The following FRMD6 variants were observed in gnomAD, a reference collection of about 807,000 sequenced individuals.
FRMD6 encodes FERM domain-containing protein 6.
In FRMD6, 37 loss-of-function variants were observed where a neutral mutation model predicts 73.2. That is an observed-to-expected ratio of 0.51 (90% CI 0.39 to 0.66). FRMD6 has a LOEUF of 0.66. FRMD6 is among the 30% of genes least tolerant of loss of function. The probability of loss-of-function intolerance (pLI) is 0.00; values close to 1 mark genes in which losing one functional copy is unlikely to be tolerated. For synonymous variants in FRMD6, 273 were observed against 282.2 expected, an observed-to-expected ratio of 0.97 and a Z score of 0.33; for missense variants, 714 against 780.5, an observed-to-expected ratio of 0.91 and a Z score of 1.02.
chr14:51,549,581 C>CTTT (rs1226471069), intron 1 of FRMD6, among the ~76,000 whole-genome samples: 5 of 118,774 alleles, frequency 4.2e-5, no homozygotes, highest in South Asian at 3.0e-4. Context: ...GGAGTATAAA[C>CTTT]TTTTTTTTTC....
intron 2 of FRMD6, among the ~76,000 whole-genome samples, chr14:51,616,940 A>G (rs976208554): frequency 6.6e-6 from 1 of 152,192 alleles, no homozygotes; most frequent in Admixed American, 6.5e-5. Context: ...ACATGTCAAG[A>G]ACTGCATTTT....
At chr14:51,436,862 G>C in the FRMD6 span, 1 of 720,938 alleles carries the variant, frequency 1.4e-6, no homozygotes, top group African/African-American at 1.8e-5. Flanking sequence ...AGAGGAGAAA[G>C]GATTAGAAGG....
At chr14:51,484,093 T>C in the FRMD6 span, among the ~76,000 whole-genome samples, 5 of 152,310 alleles carry the variant, frequency 3.3e-5, no homozygotes, top group Non-Finnish European at 5.9e-5. Flanking sequence ...GTTAAATGTA[T>C]AAAAAATAAG....
chr14:51,484,254 G>T (rs1177523502), upstream of FRMD6, among the ~76,000 whole-genome samples: 1 of 152,204 alleles, frequency 6.6e-6, no homozygotes, highest in Non-Finnish European at 1.5e-5. Flanking sequence ...GATCTGACCT[G>T]CCAGGGAAGC....
At chr14:51,707,130 A>G (rs541957463) in intron 6 of FRMD6, among the ~76,000 whole-genome samples, 6 of 152,240 alleles carry the variant, frequency 3.9e-5, no homozygotes, top group Non-Finnish European at 8.8e-5. Flanking sequence ...AAAAAGGTTG[A>G]TAAATAACTG....
the FRMD6 span, among the ~76,000 whole-genome samples, chr14:51,477,273 G>A: frequency 6.6e-6 from 1 of 152,156 alleles, no homozygotes. Flanking sequence ...TCTCAACCCT[G>A]AAGGCTAAAA....
chr14:51,503,280 T>G (rs761204585), intron 1 of FRMD6, among the ~76,000 whole-genome samples: 2 of 152,220 alleles, frequency 1.3e-5, no homozygotes, highest in Non-Finnish European at 2.9e-5. Context: ...GTACTGGTTT[T>G]CAAGGGGAGT....
At chr14:51,559,032 T>C (rs1305267760) in intron 1 of FRMD6, among the ~76,000 whole-genome samples, 1 of 152,244 alleles carries the variant, frequency 6.6e-6, no homozygotes, top group East Asian at 1.9e-4. Context: ...GTGTGTGGAT[T>C]GGTTTCAGTC....
chr14:51,545,901 A>G (rs1414504593), intron 1 of FRMD6, among the ~76,000 whole-genome samples: 2 of 152,138 alleles, frequency 1.3e-5, no homozygotes, highest in African/African-American at 4.8e-5. Flanking sequence ...TAATCAATCC[A>G]TGGTAGTGCT....
At chr14:51,619,664 A>C (rs555115518) in intron 2 of FRMD6, among the ~76,000 whole-genome samples, 34 of 152,338 alleles carry the variant, frequency 2.2e-4, no homozygotes, top group African/African-American at 8.2e-4. Flanking sequence ...GTATTACTGG[A>C]ACCTAGGACC....
Position 51,728,115 on chromosome 14 carries a change from A to C in FRMD6, c.*86A>C. ...AAGTTCTTTACATATTACTTGTGCCATATCTTCTTCACCCTAAACATAGCT... is the reference window on the plus strand; with the variant it reads ...AAGTTCTTTACATATTACTTGTGCCCTATCTTCTTCACCCTAAACATAGCT... On this transcript the variant is annotated 3_prime_UTR_variant, in exon 14 of 14. Coordinates refer to ENST00000344768, the MANE Select transcript of FRMD6 (RefSeq NM_001267046.2). 8.0e-7 allele frequency: 1 copy of C among 1,252,858 alleles called. No homozygotes were observed. Among genetic ancestry groups the C allele is most frequent in the South Asian group, 1.5e-5 (1 of 67,666 alleles). 77.6% of individuals were successfully genotyped at this position (1,252,858 alleles called of 1,614,324 possible). A position where few individuals can be genotyped will look rare whatever the true frequency, so the allele number is the denominator to read the frequency against.
chr14:51,696,741 C>G (rs954147976), intron 2 of FRMD6, among the ~76,000 whole-genome samples: 1 of 125,814 alleles, frequency 7.9e-6, no homozygotes, highest in African/African-American at 2.8e-5. Flanking sequence ...AGTGAGAGAC[C>G]CTGTCTCTAC....
chr14:51,666,279 C>T (rs911750095), intron 1 of FRMD6, among the ~76,000 whole-genome samples: 16 of 152,144 alleles, frequency 1.1e-4, no homozygotes, highest in Non-Finnish European at 1.8e-4. Flanking sequence ...CAGATGAATG[C>T]GTCATTACTA....
At chr14:51,438,315 C>T in the FRMD6 span, among the ~76,000 whole-genome samples, 2 of 152,142 alleles carry the variant, frequency 1.3e-5, no homozygotes, top group African/African-American at 2.4e-5. Flanking sequence ...CATTCTCTAT[C>T]GTAATTTTGT....
intron 1 of FRMD6, among the ~76,000 whole-genome samples, chr14:51,689,123 G>A (rs538627149): frequency 1.3e-5 from 2 of 152,290 alleles, no homozygotes; most frequent in East Asian, 3.9e-4. Context: ...GAAGAATGTT[G>A]TAAGGAGGGC....
intron 7 of FRMD6, among the ~76,000 whole-genome samples, chr14:51,710,961 T>A (rs919904735): frequency 2.0e-5 from 3 of 152,174 alleles, no homozygotes; most frequent in African/African-American, 7.2e-5. Context: ...AAATAAGTAT[T>A]TCCAAACTAT....
At chr14:51,541,177 A>G (rs967588292) in intron 1 of FRMD6, among the ~76,000 whole-genome samples, 2 of 152,116 alleles carry the variant, frequency 1.3e-5, no homozygotes, top group Non-Finnish European at 2.9e-5. Flanking sequence ...CTGGGACAAA[A>G]TAGAGACAGA....
chr14:51,592,536 A>C (rs1889457463), intron 2 of FRMD6, among the ~76,000 whole-genome samples: 1 of 152,240 alleles, frequency 6.6e-6, no homozygotes, highest in African/African-American at 2.4e-5. Context: ...AAAGAGCATC[A>C]AGGAACACAT....
At chr14:51,691,621 G>A (rs1895584501) in intron 2 of FRMD6, among the ~76,000 whole-genome samples, 1 of 94,520 alleles carries the variant, frequency 1.1e-5, no homozygotes, top group Non-Finnish European at 2.0e-5. Context: ...TTGAGTCAGA[G>A]TCTTTCTCTG....
Sources: gnomAD v4.1 joint callset for allele counts (sites outside exome capture counted in the v4.1 genomes callset) on GRCh38, gnomAD v4.1.1 for gene constraint, MANE v1.5 for transcripts, NCBI Gene and HGNC (gene_info 2026-07-23, HGNC 2026-07-21) for gene names.